SMCO2: variants seen among roughly 807,000 people sequenced by gnomAD.
The protein encoded by SMCO2 is single-pass membrane and coiled-coil domain-containing protein 2.
In SMCO2, 25 loss-of-function variants were observed where a neutral mutation model predicts 29.5. The ratio of observed to expected loss-of-function variants is 0.85; its 90% confidence interval spans 0.62 to 1.18. SMCO2 has a LOEUF of 1.18. Ranked by LOEUF, SMCO2 falls within the 50% of genes most tolerant of loss-of-function variation. The pLI is 0.00. For synonymous variants in SMCO2, 117 were observed against 123.3 expected (o/e 0.95, Z 0.34); for missense variants, 348 against 344.5 (o/e 1.01, Z -0.08).
rs1217460701 is a variant in SMCO2 at position 27,475,629 on chromosome 12, T to C, written c.362+716T>C. The C allele has an allele frequency of 8.4e-6, 13 of 1,550,204 alleles. No homozygotes were observed. The African/African-American group carries it at 9.6e-5, about 11-fold the overall frequency. On this transcript the variant is annotated intron_variant, in intron 4 of 7. Transcript: ENST00000298876. Reference sequence around the variant, plus strand: ...AAGCTAAACTACTGGAACACAAAGATAGGTCTCCAGGTGAAAGAACTTGGA... The same window carrying C: ...AAGCTAAACTACTGGAACACAAAGACAGGTCTCCAGGTGAAAGAACTTGGA...
the SMCO2 span, among the ~76,000 whole-genome samples, chr12:27,431,277 G>A: frequency 2.6e-5 from 4 of 152,154 alleles, no homozygotes; most frequent in East Asian, 1.9e-4. Context: ...CAAAGTGCTC[G>A]GATTACAGGC....
the SMCO2 span, among the ~76,000 whole-genome samples, chr12:27,456,037 G>A: frequency 6.6e-6 from 1 of 152,142 alleles, no homozygotes; most frequent in South Asian, 2.1e-4. Flanking sequence ...CCAACATGGC[G>A]AAACCCCATT....
At chr12:27,500,059 AG>A (rs1307702915) in intron 7 of SMCO2, among the ~76,000 whole-genome samples, 4 of 150,798 alleles carry the variant, frequency 2.7e-5, no homozygotes, top group Non-Finnish European at 5.9e-5. Context: ...TATTTACCAA[AG>A]ATGTCTAAAA....
At chr12:27,435,292 C>A in the SMCO2 span, among the ~76,000 whole-genome samples, 2 of 21,814 alleles carry the variant, frequency 9.2e-5, 1 homozygote, top group African/African-American at 2.7e-4. Context: ...ACCCCCCCCC[C>A]CCCCCCCCCC....
intron 1 of SMCO2, among the ~76,000 whole-genome samples, chr12:27,468,955 A>G (rs2135542362): frequency 1.3e-5 from 2 of 152,316 alleles, no homozygotes; most frequent in African/African-American, 4.8e-5. Flanking sequence ...TTGTTAGGTA[A>G]AATGTGAGAG....
At chr12:27,462,065 C>G (rs1484907007), upstream of SMCO2, among the ~76,000 whole-genome samples, 2 of 152,186 alleles carry the variant, frequency 1.3e-5, no homozygotes, top group South Asian at 2.1e-4. Flanking sequence ...TAGCGCAGAG[C>G]CTTAGATTTG....
upstream of SMCO2, among the ~76,000 whole-genome samples, chr12:27,464,610 G>A (rs555746858): frequency 8.2e-4 from 123 of 149,218 alleles, no homozygotes; most frequent in African/African-American, 2.8e-3. Context: ...CCAGCTACTC[G>A]GGAGGCTGAG....
intron 4 of SMCO2, among the ~76,000 whole-genome samples, chr12:27,484,790 C>G (rs1019088778): frequency 6.4e-5 from 9 of 141,542 alleles, no homozygotes; most frequent in African/African-American, 2.3e-4. Flanking sequence ...GAGGTGGAGG[C>G]TGCAGTGAGC....
the SMCO2 span, among the ~76,000 whole-genome samples, chr12:27,444,791 C>T: frequency 6.6e-6 from 1 of 152,114 alleles, no homozygotes; most frequent in Non-Finnish European, 1.5e-5. Flanking sequence ...CTGCTCAACA[C>T]ACTAAAGATA....
rs1053785918 is a variant in SMCO2, at chr12:27,496,273, A to G, written c.683+418A>G. Among the ~76,000 whole-genome samples the G allele has an allele frequency of 8.0e-5, 12 of 150,328 alleles. No individual in the cohort carries two copies. The South Asian group carries it at 2.3e-3, about 29-fold the overall frequency. ...CATTAAGTCAACACTTTAATTTTAA[A>G]TTTTCTTCCATGATGGCTGCAAATA... On this transcript the variant is annotated intron_variant, in intron 7 of 7. Coordinates refer to ENST00000298876, the Ensembl canonical transcript of SMCO2.
At chr12:27,443,528 AAAAG>A in the SMCO2 span, among the ~76,000 whole-genome samples, 242 of 152,338 alleles carry the variant, frequency 1.6e-3, 1 homozygote, top group African/African-American at 4.6e-3. Context: ...GTAATTTGGC[AAAAG>A]AAAGAAACAA....
At chr12:27,449,126 G>A in the SMCO2 span, among the ~76,000 whole-genome samples, 2 of 152,162 alleles carry the variant, frequency 1.3e-5, no homozygotes, top group African/African-American at 2.4e-5. Flanking sequence ...GTTCTAGACT[G>A]GCTAAACCAA....
At chr12:27,490,412 G>T (rs892344534) in intron 5 of SMCO2, among the ~76,000 whole-genome samples, 3 of 152,154 alleles carry the variant, frequency 2.0e-5, no homozygotes, top group African/African-American at 7.2e-5. Context: ...GGGGCTGATG[G>T]AAATATTCTA....
At chr12:27,481,734 C>G (rs1348285239) in intron 4 of SMCO2, among the ~76,000 whole-genome samples, 1 of 152,020 alleles carries the variant, frequency 6.6e-6, no homozygotes, top group East Asian at 1.9e-4. Flanking sequence ...GTTGATTGTA[C>G]CTTTCAAACA....
chr12:27,498,857 C>T lies in SMCO2; in HGVS notation c.683+3002C>T, dbSNP rs149752424. 9.8e-3 allele frequency among the ~76,000 whole-genome samples: 1,466 copies of T among 150,108 alleles called. 43 individuals are homozygous for T. Among genetic ancestry groups the T allele is most frequent in the Middle Eastern group, 0.017 (5 of 292 alleles). On this transcript the variant is annotated intron_variant, in intron 7 of 7. Transcript: ENST00000298876. ...CAGCATCATTGGTCATTAAAAAAAACGTAAATCAAACCCACAATGAACCAC... is the reference window on the plus strand; with the variant it reads ...CAGCATCATTGGTCATTAAAAAAAATGTAAATCAAACCCACAATGAACCAC...
chr12:27,454,226 T>A, the SMCO2 span, among the ~76,000 whole-genome samples: 1 of 152,188 alleles, frequency 6.6e-6, no homozygotes, highest in African/African-American at 2.4e-5. Flanking sequence ...TCAAGTGATT[T>A]TCCCATTTCA....
At chr12:27,464,690 C>A (rs1209355610), upstream of SMCO2, among the ~76,000 whole-genome samples, 4 of 138,712 alleles carry the variant, frequency 2.9e-5, no homozygotes, top group African/African-American at 1.1e-4. Context: ...GAACTCCAGC[C>A]TGGGCAACAG....
At chr12:27,462,194 T>C (rs1010961459), upstream of SMCO2, among the ~76,000 whole-genome samples, 1 of 152,186 alleles carries the variant, frequency 6.6e-6, no homozygotes, top group Non-Finnish European at 1.5e-5. Context: ...CCTGCCCTAA[T>C]TTCGTTCATT....
chr12:27,488,667 C>T (rs1949709687), intron 5 of SMCO2, 120 bp downstream of exon 6: 1 of 625,388 alleles, frequency 1.6e-6, no homozygotes. Context: ...GGAGTGCTCT[C>T]TGGTGGTCAC....
Sources: gnomAD v4.1 joint callset for allele counts (sites outside exome capture counted in the v4.1 genomes callset) on GRCh38, gnomAD v4.1.1 for gene constraint, MANE v1.5 for transcripts, NCBI Gene and HGNC (gene_info 2026-07-23, HGNC 2026-07-21) for gene names.